The following CDH13 variants were observed in gnomAD, a reference collection of about 807,000 sequenced individuals.
CDH13 encodes cadherin-13.
A neutral mutation model predicts 63.8 loss-of-function variants in CDH13; 24 were observed. The observed-to-expected ratio is 0.38, with a 90% CI of 0.27 to 0.53. CDH13 has a LOEUF of 0.53. Among genes scored for constraint, CDH13 ranks in the 20% least tolerant of loss-of-function variants. CDH13 has a pLI of 0.85. For missense variants in CDH13, 1,049 were observed against 903.1 expected (o/e 1.16, Z -2.07); for synonymous variants, 503 against 355.3 (o/e 1.42, Z -4.67).
At chr16:83,089,231 C>G (rs138158261) in intron 3 of CDH13, among the ~76,000 whole-genome samples, 175 of 152,308 alleles carry the variant, frequency 1.1e-3, no homozygotes, top group African/African-American at 4.0e-3. Flanking sequence ...AGGATGAATT[C>G]CAGCCCACTA....
At chr16:83,591,803 C>T (rs1157762573) in intron 7 of CDH13, among the ~76,000 whole-genome samples, 2 of 152,240 alleles carry the variant, frequency 1.3e-5, no homozygotes, top group African/African-American at 4.8e-5. Flanking sequence ...CCGTGGCTTC[C>T]TTGAAGGTCG....
chr16:83,037,940 G>C lies in CDH13; in HGVS notation c.366+5722G>C, dbSNP rs148876781. 9.2e-5 allele frequency among the ~76,000 whole-genome samples: 14 copies of C among 152,258 alleles called. No homozygotes were observed. The East Asian group carries it at 2.5e-3, about 27-fold the overall frequency. On this transcript the variant is annotated intron_variant, in intron 3 of 13. Coordinates refer to ENST00000567109, the MANE Select transcript of CDH13 (RefSeq NM_001257.5). The stretch of plus-strand genomic sequence containing the variant: ...AGTTCCCATCAATGGTATAATTTTG[G>C]AACCTCAGGAGGAAGGATAAGGAAC...
chr16:82,977,791 G>A (rs1017982935), intron 2 of CDH13, among the ~76,000 whole-genome samples: 1 of 152,174 alleles, frequency 6.6e-6, no homozygotes, highest in Non-Finnish European at 1.5e-5. Context: ...AACAGGCAGA[G>A]GTAGGAACAG....
intron 1 of CDH13, among the ~76,000 whole-genome samples, chr16:82,748,062 G>T (rs1309620678): frequency 6.6e-6 from 1 of 152,056 alleles, no homozygotes; most frequent in Non-Finnish European, 1.5e-5. Context: ...CCTTCCGTGG[G>T]TCCAGAACTT....
intron 5 of CDH13, among the ~76,000 whole-genome samples, chr16:83,301,425 T>C (rs1325567032): frequency 1.3e-5 from 2 of 152,144 alleles, no homozygotes; most frequent in African/African-American, 4.8e-5. Context: ...GCCGTGCTGG[T>C]TTTACCCAGT....
intron 6 of CDH13, among the ~76,000 whole-genome samples, chr16:83,460,995 G>GCACA (rs35631596): frequency 0.51 from 75,366 of 147,306 alleles, 19,464 homozygotes; most frequent in East Asian, 0.7. Context: ...ACACACACAC[G>GCACA]CACACACACA....
At chr16:83,101,833 A>C (rs1424363389) in intron 3 of CDH13, among the ~76,000 whole-genome samples, 1 of 152,266 alleles carries the variant, frequency 6.6e-6, no homozygotes, top group South Asian at 2.1e-4. Flanking sequence ...GACAGGGCTC[A>C]TGGAGTAGGT....
At chr16:83,550,013 A>T (rs1042141401) in intron 7 of CDH13, among the ~76,000 whole-genome samples, 7 of 152,234 alleles carry the variant, frequency 4.6e-5, no homozygotes, top group Non-Finnish European at 5.9e-5. Context: ...TGGCTGACCA[A>T]GCCAAAAACA....
intron 4 of CDH13, among the ~76,000 whole-genome samples, chr16:83,159,964 T>C (rs2151709064): frequency 6.6e-6 from 1 of 152,070 alleles, no homozygotes; most frequent in East Asian, 1.9e-4. Context: ...TAATCTCAGC[T>C]ACTCAGGAGG....
chr16:83,643,156 A>T (rs1421252132), intron 8 of CDH13, among the ~76,000 whole-genome samples: 1 of 62,792 alleles, frequency 1.6e-5, no homozygotes, highest in Non-Finnish European at 2.9e-5. Flanking sequence ...GGGGGGAGGG[A>T]TAGCATTGGG....
In CDH13 at chr16:83,125,386, A is replaced by G. The variant is rs1166279974; in HGVS notation, c.368A>G (p.Asp123Gly). Residue 123 changes from aspartate (D) to glycine (G), a missense_variant and splice_region_variant, in exon 4 of 14, where the codon GAT becomes GGT. Coordinates refer to ENST00000567109, the MANE Select transcript of CDH13 (RefSeq NM_001257.5). ...CAATCCTTTTGTTTTCCCTTTTAGG[A>G]TATATTTAAATTTGCAAGAACTTCT... Reference protein sequence around the residue: ...GGKDIQGSLQDIFKFARTSPV... With the variant: ...GGKDIQGSLQGIFKFARTSPV... 3 of 1,485,566 alleles carry G rather than the reference A, an allele frequency of 2.0e-6. No homozygotes were observed. The highest frequency in any genetic ancestry group is 2.8e-6 in the Non-Finnish European group (3 of 1,063,470). 92.0% of individuals were successfully genotyped at this position (1,485,566 alleles called of 1,614,324 possible).
intron 3 of CDH13, among the ~76,000 whole-genome samples, chr16:83,044,038 A>AT (rs1398024530): frequency 6.6e-6 from 1 of 152,168 alleles, no homozygotes; most frequent in African/African-American, 2.4e-5. Context: ...GGAATATTGC[A>AT]TTTTTTGAAA....
At chr16:82,840,586 G>A (rs1009552009) in intron 1 of CDH13, among the ~76,000 whole-genome samples, 3 of 151,192 alleles carry the variant, frequency 2.0e-5, no homozygotes, top group Non-Finnish European at 4.4e-5. Flanking sequence ...TTGGGTGGCT[G>A]AGGCAGGAGA....
At chr16:82,834,704 G>A (rs146808244) in intron 1 of CDH13, among the ~76,000 whole-genome samples, 20 of 152,270 alleles carry the variant, frequency 1.3e-4, no homozygotes, top group African/African-American at 2.4e-4. Flanking sequence ...ACTTGGCTCC[G>A]CAGAAGTGAG....
At chr16:83,059,678 C>T (rs1051582964) in intron 3 of CDH13, among the ~76,000 whole-genome samples, 2 of 151,920 alleles carry the variant, frequency 1.3e-5, no homozygotes, top group Non-Finnish European at 2.9e-5. Flanking sequence ...TTTCTGGTTC[C>T]ATGACACACA....
At chr16:83,296,841 C>T (rs1371489399) in intron 5 of CDH13, among the ~76,000 whole-genome samples, 5 of 152,216 alleles carry the variant, frequency 3.3e-5, no homozygotes, top group Non-Finnish European at 1.5e-5. Context: ...AAATGTACAT[C>T]TTCCAAGGGA....
At chr16:82,704,833 T>C (rs2031350018) in intron 1 of CDH13, among the ~76,000 whole-genome samples, 1 of 152,224 alleles carries the variant, frequency 6.6e-6, no homozygotes. Flanking sequence ...CGTGGATTTG[T>C]ATGAAATAAA....
At chr16:83,774,629 C>G (rs970691623) in intron 11 of CDH13, among the ~76,000 whole-genome samples, 2 of 152,192 alleles carry the variant, frequency 1.3e-5, no homozygotes, top group South Asian at 2.1e-4. Context: ...CCACTTCAGC[C>G]TCCCAGAGTG....
intron 2 of CDH13, among the ~76,000 whole-genome samples, chr16:83,019,620 C>T (rs545699688): frequency 1.5e-4 from 23 of 151,512 alleles, no homozygotes; most frequent in African/African-American, 4.1e-4. Context: ...CCAAGCATCC[C>T]GGTTAGTTGG....
Sources: allele counts gnomAD v4.1 joint callset (sites outside exome capture counted in the v4.1 genomes callset), GRCh38; gene constraint gnomAD v4.1.1; transcripts MANE v1.5; gene names NCBI Gene and HGNC (gene_info 2026-07-23, HGNC 2026-07-21).